Variants in TPRG1 observed in about 807,000 individuals in gnomAD.
TPRG1 encodes the protein tumor protein p63 regulated 1.
A neutral mutation model predicts 29.3 loss-of-function variants in TPRG1; 29 were observed. That is an observed-to-expected ratio of 0.99 (90% CI 0.74 to 1.35). The LOEUF (loss-of-function observed/expected upper bound fraction) is 1.35. Ranked by LOEUF, TPRG1 falls within the 40% of genes most tolerant of loss-of-function variation. The pLI is 0.00. For synonymous variants in TPRG1, 130 were observed against 116.8 expected (o/e 1.11, Z -0.73); for missense variants, 327 against 335.0 (o/e 0.98, Z 0.19).
intron 4 of TPRG1, among the ~76,000 whole-genome samples, chr3:189,078,014 TC>T (rs1717296992): frequency 7.3e-6 from 1 of 137,616 alleles, no homozygotes; most frequent in South Asian, 2.4e-4. Flanking sequence ...ACCTTTTCCT[TC>T]CTTCCTTCCT....
intron 3 of TPRG1, chr3:189,217,798 CA>C: frequency 6.1e-6 from 6 of 979,622 alleles, no homozygotes; most frequent in Non-Finnish European, 7.3e-6. Context: ...AAATAATTGT[CA>C]AAAAGAGGAG....
chr3:189,073,394 C>T (rs1011647799), intron 4 of TPRG1, among the ~76,000 whole-genome samples: 1 of 152,184 alleles, frequency 6.6e-6, no homozygotes, highest in Non-Finnish European at 1.5e-5. Context: ...ACACTATAAA[C>T]ACAAATCAAT....
At chr3:189,125,597 A>G (rs1385323975) in intron 1 of TPRG1, among the ~76,000 whole-genome samples, 1 of 152,154 alleles carries the variant, frequency 6.6e-6, no homozygotes, top group African/African-American at 2.4e-5. Context: ...TCCTCCCCCA[A>G]TTAATCCTTC....
At chr3:189,170,707 A>G (rs1728719997), upstream of TPRG1, among the ~76,000 whole-genome samples, 1 of 152,186 alleles carries the variant, frequency 6.6e-6, no homozygotes, top group Non-Finnish European at 1.5e-5. Flanking sequence ...CGTCCTCGAC[A>G]CGGTGGAAGC....
At chr3:189,170,749 C>T (rs911434447), upstream of TPRG1, among the ~76,000 whole-genome samples, 3 of 152,172 alleles carry the variant, frequency 2.0e-5, no homozygotes, top group African/African-American at 7.2e-5. Flanking sequence ...ATTGTGACCT[C>T]TCCTGAGTGG....
chr3:189,077,945 A>G (rs539385143), intron 4 of TPRG1, among the ~76,000 whole-genome samples: 1 of 152,208 alleles, frequency 6.6e-6, no homozygotes, highest in African/African-American at 2.4e-5. Context: ...TCATGTAGCC[A>G]TTTACCAATT....
At chr3:189,188,259 A>G (rs973966931) in intron 1 of TPRG1, among the ~76,000 whole-genome samples, 3 of 152,236 alleles carry the variant, frequency 2.0e-5, no homozygotes, top group African/African-American at 7.2e-5. Flanking sequence ...GTGCTGGGAC[A>G]TGGATTCCCT....
At chr3:189,129,176 C>T (rs1227635717) in intron 2 of TPRG1, among the ~76,000 whole-genome samples, 2 of 152,198 alleles carry the variant, frequency 1.3e-5, no homozygotes, top group African/African-American at 2.4e-5. Context: ...CAGAGTCCCA[C>T]GTTGCCTTAG....
chr3:189,148,990 C>G (rs1029401601), intron 4 of TPRG1, among the ~76,000 whole-genome samples: 1 of 152,208 alleles, frequency 6.6e-6, no homozygotes, highest in African/African-American at 2.4e-5. Flanking sequence ...GATTGCTTGA[C>G]CTAATGTGAC....
chr3:189,118,525 C>A (rs73053475), intron 1 of TPRG1, among the ~76,000 whole-genome samples: 3,859 of 152,196 alleles, frequency 0.025, 161 homozygotes, highest in African/African-American at 0.089. Flanking sequence ...ACCTTCACAG[C>A]AGCCCCACCT....
At chr3:189,181,141 G>A (rs1425902133) in intron 1 of TPRG1, among the ~76,000 whole-genome samples, 1 of 152,130 alleles carries the variant, frequency 6.6e-6, no homozygotes, top group East Asian at 1.9e-4. Flanking sequence ...GAGACCCTGG[G>A]CCCAGCCCAC....
intron 4 of TPRG1, among the ~76,000 whole-genome samples, chr3:189,275,338 C>T (rs2109104970): frequency 6.6e-6 from 1 of 152,212 alleles, no homozygotes; most frequent in South Asian, 2.1e-4. Context: ...ACTACATGCT[C>T]TAGTAGCAAG....
intron 4 of TPRG1, among the ~76,000 whole-genome samples, chr3:189,091,893 T>A (rs55675830): frequency 0.09 from 13,690 of 152,222 alleles, 771 homozygotes; most frequent in African/African-American, 0.16. Flanking sequence ...GACATGTATT[T>A]TTTCCTAGAG....
intron 4 of TPRG1, among the ~76,000 whole-genome samples, chr3:189,065,816 A>C (rs1025735625): frequency 3.9e-5 from 6 of 152,124 alleles, no homozygotes; most frequent in Non-Finnish European, 7.4e-5. Flanking sequence ...TACTGCAGTA[A>C]GCTAAGAAAA....
chr3:189,311,344 C>T (rs1328616346), intron 5 of TPRG1, among the ~76,000 whole-genome samples: 2 of 152,144 alleles, frequency 1.3e-5, no homozygotes, highest in Non-Finnish European at 2.9e-5. Context: ...TCATTCATTT[C>T]AGAATATTAC....
intron 4 of TPRG1, among the ~76,000 whole-genome samples, chr3:189,042,873 G>A (rs890552275): frequency 7.2e-5 from 11 of 152,246 alleles, no homozygotes; most frequent in South Asian, 4.2e-4. Context: ...AGGAGGTTGC[G>A]TGGTGGCTCA....
At position 189,209,425 on chromosome 3, in the gene TPRG1, C is replaced by A. The variant is rs574671588; in HGVS notation, c.210+1831C>A. ...GCAATTCTAGAAAATGTAGTTTCAGCTCAGCTAAATTGACAGAGTCCAAAT... is the reference window on the plus strand; with the variant it reads ...GCAATTCTAGAAAATGTAGTTTCAGATCAGCTAAATTGACAGAGTCCAAAT... On this transcript the variant is annotated intron_variant, in intron 2 of 5. Coordinates refer to ENST00000345063, the MANE Select transcript of TPRG1 (RefSeq NM_198485.4). 2.6e-5 allele frequency among the ~76,000 whole-genome samples: 4 copies of A among 152,310 alleles called. No individual in the cohort carries two copies. The South Asian group carries it at 8.3e-4, about 32-fold the overall frequency.
At chr3:189,168,320 G>C (rs967517355), upstream of TPRG1, among the ~76,000 whole-genome samples, 3 of 152,208 alleles carry the variant, frequency 2.0e-5, no homozygotes, top group African/African-American at 7.2e-5. Context: ...GAGAAAAAAA[G>C]ATGCTTTGGG....
At chr3:189,274,005 A>C (rs1352376115) in intron 4 of TPRG1, among the ~76,000 whole-genome samples, 1 of 139,054 alleles carries the variant, frequency 7.2e-6, no homozygotes, top group African/African-American at 3.3e-5. Context: ...ATTTGTCTGG[A>C]AGCCAGTGAA....
Sources: allele counts gnomAD v4.1 joint callset (sites outside exome capture counted in the v4.1 genomes callset), GRCh38; gene constraint gnomAD v4.1.1; transcripts MANE v1.5; gene names NCBI Gene and HGNC (gene_info 2026-07-23, HGNC 2026-07-21).